The following PTPRT variants were observed in gnomAD, a reference collection of about 807,000 sequenced individuals.
The protein encoded by PTPRT is protein tyrosine phosphatase receptor type T.
A neutral mutation model predicts 176.8 loss-of-function variants in PTPRT; 56 were observed. The observed-to-expected ratio is 0.32, with a 90% confidence interval of 0.26 to 0.40. The LOEUF is 0.40. Among genes scored for constraint, PTPRT ranks in the 10% least tolerant of loss-of-function variants. The pLI is 1.00. For synonymous variants in PTPRT, 783 were observed against 739.0 expected (o/e 1.06, Z -0.96); for missense variants, 1,540 against 1,908.2 (o/e 0.81, Z 3.60).
rs112671235 is a variant in PTPRT at position 42,405,850 on chromosome 20, G to A, written c.1560+42370C>T. ...CCTATTTCTCCACATCCTCTCCAGC[G>A]CCTGTTGTTTCCTGACTTTTTAATG... On this transcript the variant is annotated intron_variant, in intron 9 of 30. Transcript: ENST00000373187. 1.1e-3 allele frequency among the ~76,000 whole-genome samples: 160 copies of A among 152,076 alleles called. 1 individual carries two copies. The East Asian group carries it at 0.016, about 16-fold the overall frequency.
intron 3 of PTPRT, among the ~76,000 whole-genome samples, chr20:42,786,537 A>G (rs2080928132): frequency 2.0e-5 from 3 of 152,148 alleles, no homozygotes; most frequent in Admixed American, 2.0e-4. Flanking sequence ...TTGCCACCTA[A>G]TAGAGGGAGC....
intron 13 of PTPRT, among the ~76,000 whole-genome samples, chr20:42,262,132 T>C (rs986286195): frequency 3.6e-4 from 55 of 152,220 alleles, no homozygotes; most frequent in African/African-American, 1.3e-3. Flanking sequence ...AAATCCACCA[T>C]GAACATGTTT....
intron 7 of PTPRT, among the ~76,000 whole-genome samples, chr20:42,490,941 A>T (rs1377821658): frequency 1.3e-5 from 2 of 152,300 alleles, no homozygotes; most frequent in African/African-American, 4.8e-5. Context: ...TCATTTAAGG[A>T]CATTTAAGTT....
intron 3 of PTPRT, among the ~76,000 whole-genome samples, chr20:42,786,223 A>C (rs208251): frequency 0.46 from 70,494 of 151,942 alleles, 17,020 homozygotes; most frequent in Non-Finnish European, 0.52. Context: ...CAGTCTTGGG[A>C]AGTTCTTTAT....
chr20:42,151,209 T>C (rs6030005), intron 17 of PTPRT, among the ~76,000 whole-genome samples: 20,261 of 151,864 alleles, frequency 0.13, 3,456 homozygotes, highest in African/African-American at 0.4. Flanking sequence ...TAGCTATACA[T>C]GTGCCATGGT....
intron 13 of PTPRT, among the ~76,000 whole-genome samples, chr20:42,277,100 G>A (rs534148649): frequency 4.6e-5 from 7 of 152,176 alleles, no homozygotes; most frequent in East Asian, 3.9e-4. Flanking sequence ...TTAGTCCATC[G>A]CTGCCACCAA....
intron 7 of PTPRT, among the ~76,000 whole-genome samples, chr20:42,500,441 CA>C (rs1433676634): frequency 1.3e-5 from 2 of 151,988 alleles, no homozygotes; most frequent in Non-Finnish European, 2.9e-5. Context: ...TTTGATATAG[CA>C]TATTACTATT....
chr20:42,184,526 TTCTTCTTCC>T (rs1331817443), intron 16 of PTPRT, among the ~76,000 whole-genome samples: 3 of 106,800 alleles, frequency 2.8e-5, no homozygotes, highest in Admixed American at 9.3e-5. Context: ...CTCCTTCTTC[TTCTTCTTCC>T]TCTTCCTCTT....
chr20:42,459,899 G>A (rs1007752243), intron 8 of PTPRT, among the ~76,000 whole-genome samples: 2 of 152,240 alleles, frequency 1.3e-5, no homozygotes, highest in South Asian at 4.1e-4. Context: ...TTACAGGGGT[G>A]AGCCACCATC....
intron 1 of PTPRT, among the ~76,000 whole-genome samples, chr20:42,994,607 C>A (rs1202460418): frequency 6.6e-6 from 1 of 152,102 alleles, no homozygotes; most frequent in Non-Finnish European, 1.5e-5. Context: ...AATGTTAGAG[C>A]TTATTGGTAT....
Position 42,562,671 on chromosome 20 carries a change from C to A in PTPRT, c.1154-90109G>T, listed in dbSNP as rs2072971810. On this transcript the variant is annotated intron_variant, in intron 7 of 30. Transcript: ENST00000373187. The stretch of plus-strand genomic sequence containing the variant: ...CAAAATTCATTCCACACTTAAGTTC[C>A]TCATCAGCACATTTTGATGCCCAGA... Among the ~76,000 whole-genome samples the A allele has an allele frequency of 1.6e-4, 24 of 152,168 alleles. 1 individual carries two copies. Among genetic ancestry groups the A allele is most frequent in the Admixed American group, 1.6e-3 (24 of 15,278 alleles).
At chr20:42,302,589 A>G (rs1380745002) in intron 12 of PTPRT, among the ~76,000 whole-genome samples, 1 of 152,206 alleles carries the variant, frequency 6.6e-6, no homozygotes, top group Non-Finnish European at 1.5e-5. Flanking sequence ...CACACCAGGT[A>G]TTCTGCCACT....
At chr20:42,845,139 C>T (rs564602601) in intron 2 of PTPRT, among the ~76,000 whole-genome samples, 14 of 152,268 alleles carry the variant, frequency 9.2e-5, no homozygotes, top group Admixed American at 7.2e-4. Context: ...CCCTCCCTTG[C>T]CTGAGTGTGT....
Position 42,618,721 on chromosome 20 carries a change from T to C in PTPRT, c.1153+59145A>G, listed in dbSNP as rs983582153. Among the ~76,000 whole-genome samples the C allele has an allele frequency of 6.7e-5, 9 of 134,272 alleles. No individual in the cohort carries two copies. The South Asian group carries it at 7.6e-4, about 11-fold the overall frequency. The allele number at this position is 134,272 out of a possible 152,430, so 88.1% of individuals were successfully genotyped here. On this transcript the variant is annotated intron_variant, in intron 7 of 30. Coordinates refer to ENST00000373187, the MANE Select transcript of PTPRT (RefSeq NM_007050.6). The stretch of plus-strand genomic sequence containing the variant: ...GGCCTTCTTTGTCTCTTTTGATCTT[T>C]GTTGGTTTAAAGTCTGTTTTATCAG...
At chr20:42,657,484 T>A in intron 7 of PTPRT, among the ~76,000 whole-genome samples, 1 of 152,222 alleles carries the variant, frequency 6.6e-6, no homozygotes, top group Non-Finnish European at 1.5e-5. Context: ...CCCAACCTTA[T>A]GGTGGTGGCA....
At chr20:42,883,725 T>TACACATGCACACCC (rs2079048659) in intron 2 of PTPRT, among the ~76,000 whole-genome samples, 7 of 2,790 alleles carry the variant, frequency 2.5e-3, no homozygotes, top group South Asian at 0.015. Flanking sequence ...CACACACCCA[T>TACACATGCACACCC]ACACCCCCAT....
intron 7 of PTPRT, among the ~76,000 whole-genome samples, chr20:42,602,609 G>A (rs1177405324): frequency 1.3e-5 from 2 of 151,922 alleles, no homozygotes; most frequent in African/African-American, 4.8e-5. Flanking sequence ...ATTAGGAATG[G>A]GCAAAGCCAA....
intron 9 of PTPRT, among the ~76,000 whole-genome samples, chr20:42,379,735 T>G (rs1225423485): frequency 1.3e-5 from 2 of 152,254 alleles, no homozygotes; most frequent in Non-Finnish European, 2.9e-5. Flanking sequence ...TTCCTTCTTC[T>G]TGGGCATGAA....
At chr20:42,527,493 G>T (rs557502935) in intron 7 of PTPRT, among the ~76,000 whole-genome samples, 56 of 152,228 alleles carry the variant, frequency 3.7e-4, no homozygotes, top group Admixed American at 6.5e-4. Context: ...ACTGCAACCT[G>T]CCACCTTTCC....
Sources: allele counts gnomAD v4.1 joint callset (sites outside exome capture counted in the v4.1 genomes callset), GRCh38; gene constraint gnomAD v4.1.1; transcripts MANE v1.5; gene names NCBI Gene and HGNC (gene_info 2026-07-23, HGNC 2026-07-21).